DHRSX: variants seen among roughly 807,000 people sequenced by gnomAD.
DHRSX encodes dehydrogenase/reductase X-linked, also known as polyprenol dehydrogenase.
In DHRSX, 31 loss-of-function variants were observed where a neutral mutation model predicts 34.0. The observed-to-expected ratio is 0.91, with a 90% CI of 0.69 to 1.23. The LOEUF (loss-of-function observed/expected upper bound fraction) is 1.23. Among genes scored for constraint, DHRSX ranks in the 50% most tolerant of loss-of-function variants. The pLI is 0.00. For missense variants in DHRSX, 414 were observed against 428.1 expected, an observed-to-expected ratio of 0.97 and a Z score of 0.29; for synonymous variants, 201 against 183.8, an observed-to-expected ratio of 1.09 and a Z score of -0.76.
intron 3 of DHRSX, among the ~76,000 whole-genome samples, chrX:2,357,295 GT>G (rs1275610882): frequency 1.3e-5 from 2 of 151,962 alleles, no homozygotes; most frequent in Admixed American, 1.3e-4. Context: ...TGAGGGGTTG[GT>G]GTCCCTAACC....
At chrX:2,255,857 T>A (rs1388932206) in intron 5 of DHRSX, among the ~76,000 whole-genome samples, 1 of 151,922 alleles carries the variant, frequency 6.6e-6, no homozygotes, top group Non-Finnish European at 1.5e-5. Context: ...GAGGTTGTAG[T>A]GAGCTGAGAT....
At chrX:2,448,678 C>T (rs765778143) in intron 1 of DHRSX, among the ~76,000 whole-genome samples, 19 of 152,216 alleles carry the variant, frequency 1.2e-4, no homozygotes, top group East Asian at 9.7e-4. Flanking sequence ...ACATCACGTA[C>T]CTCATATATA....
At chrX:2,348,542 C>G (rs34220838) in intron 3 of DHRSX, among the ~76,000 whole-genome samples, 12,456 of 151,980 alleles carry the variant, frequency 0.082, 568 homozygotes, top group Middle Eastern at 0.13. Flanking sequence ...GACCTCCCAG[C>G]AATAAGAAAG....
At chrX:2,404,279 C>A (rs2043525494) in intron 3 of DHRSX, among the ~76,000 whole-genome samples, 1 of 151,996 alleles carries the variant, frequency 6.6e-6, no homozygotes, top group Admixed American at 6.6e-5. Context: ...CCCGGAAATG[C>A]TGATGTGACA....
intron 3 of DHRSX, among the ~76,000 whole-genome samples, chrX:2,383,098 C>T (rs868327392): frequency 1.3e-5 from 2 of 151,140 alleles, no homozygotes; most frequent in African/African-American, 4.9e-5. Flanking sequence ...ACCACCATCA[C>T]CATCATCATT....
chrX:2,321,750 C>G (rs901150675), intron 3 of DHRSX, among the ~76,000 whole-genome samples: 2 of 151,992 alleles, frequency 1.3e-5, no homozygotes, highest in African/African-American at 4.8e-5. Context: ...CCTTAAACAA[C>G]ACAGGTTTGA....
intron 3 of DHRSX, among the ~76,000 whole-genome samples, chrX:2,304,686 C>A (rs2042079431): frequency 1.3e-5 from 2 of 152,076 alleles, no homozygotes; most frequent in African/African-American, 2.4e-5. Context: ...TATGATTATG[C>A]ATTTCCTCAT....
At chrX:2,324,057 GA>G (rs755736026) in intron 3 of DHRSX, among the ~76,000 whole-genome samples, 7,435 of 142,906 alleles carry the variant, frequency 0.052, 286 homozygotes, top group African/African-American at 0.11. Context: ...ACCCTGTCTG[GA>G]AAAAAAAAAA....
Position 2,221,241 on chromosome X carries a change from A to G in DHRSX, c.805-12T>C, listed in dbSNP as rs1569475483. 1.2e-5 allele frequency: 20 copies of G among 1,611,188 alleles called. No individual in the cohort carries two copies. The highest frequency in any genetic ancestry group is 1.7e-5 in the Non-Finnish European group (20 of 1,178,604). ...CCTTCATCGGGGGTCTGGTGGAAGA[A>G]GAAAAGAAGGCTACGATGAGTCAAA... On this transcript the variant is annotated splice_polypyrimidine_tract_variant and intron_variant, in intron 6 of 6. Coordinates refer to ENST00000334651, the MANE Select transcript of DHRSX (RefSeq NM_145177.3).
chrX:2,371,348 ATAGTCCCTCCTCCCATTAC>A, intron 3 of DHRSX, among the ~76,000 whole-genome samples: 1 of 135,156 alleles, frequency 7.4e-6, no homozygotes, highest in African/African-American at 3.2e-5. Flanking sequence ...TTCCGTTACC[ATAGTCCCTCCTCCCATTAC>A]TATAGACCCT....
At chrX:2,270,837 A>G (rs751508971) in intron 4 of DHRSX, among the ~76,000 whole-genome samples, 1 of 152,182 alleles carries the variant, frequency 6.6e-6, no homozygotes, top group African/African-American at 2.4e-5. Flanking sequence ...TGGACCATTC[A>G]GCAGTCTGTA....
chrX:2,393,391 A>G (rs2043358670), intron 3 of DHRSX, among the ~76,000 whole-genome samples: 1 of 151,966 alleles, frequency 6.6e-6, no homozygotes, highest in Non-Finnish European at 1.5e-5. Flanking sequence ...CACAAGACAC[A>G]GCGACCTCCC....
chrX:2,222,565 C>T lies in DHRSX; in HGVS notation c.805-1336G>A, dbSNP rs148415171. The stretch of plus-strand genomic sequence containing the variant: ...TCTTCTGGGAGTGATGATCCATTTG[C>T]CCGAACTGATTTCACCTCTCACCAG... On this transcript the variant is annotated intron_variant, in intron 6 of 6. Transcript: ENST00000334651. Among the ~76,000 whole-genome samples the T allele has an allele frequency of 7.8e-3, 1,191 of 152,280 alleles. 7 individuals are homozygous for T. The highest frequency in any genetic ancestry group is 0.014 in the Middle Eastern group (4 of 294).
chrX:2,240,719 T>C (rs966721187), intron 6 of DHRSX, among the ~76,000 whole-genome samples: 5 of 152,090 alleles, frequency 3.3e-5, no homozygotes, highest in Non-Finnish European at 7.3e-5. Context: ...AAGCAGACAC[T>C]TTTAAAAATG....
rs34876710 is a variant in DHRSX at position 2,398,670 on chromosome X, C to CTT, written c.286+10073_286+10074dup. Reference sequence around the variant, plus strand: ...GCAAAGAAACGTTAAATGCATATTCCTTTTTTTTTTTTTTTTTGAGATGGA... The same window carrying CTT: ...GCAAAGAAACGTTAAATGCATATTCCTTTTTTTTTTTTTTTTTTTGAGATGGA... On this transcript the variant is annotated intron_variant, in intron 3 of 6. Transcript: ENST00000334651. Among the ~76,000 whole-genome samples the CTT allele has an allele frequency of 9.1e-3, 1,182 of 129,958 alleles. 26 individuals are homozygous for CTT. The highest frequency in any genetic ancestry group is 0.056 in the Middle Eastern group (14 of 250). The allele number at this position is 129,958 out of a possible 152,430, so 85.3% of individuals were successfully genotyped here.
At chrX:2,480,823 AT>A (rs945872028) in intron 1 of DHRSX, among the ~76,000 whole-genome samples, 8 of 152,080 alleles carry the variant, frequency 5.3e-5, no homozygotes, top group South Asian at 2.1e-4. Context: ...CTCAAAAAAA[AT>A]AAATTACATT....
chrX:2,362,775 G>A (rs1453320822), intron 3 of DHRSX, among the ~76,000 whole-genome samples: 8 of 149,922 alleles, frequency 5.3e-5, no homozygotes, highest in African/African-American at 9.9e-5. Flanking sequence ...TTTTATCACC[G>A]TTCTATGGTA....
intron 3 of DHRSX, among the ~76,000 whole-genome samples, chrX:2,315,916 C>A (rs1178694877): frequency 6.6e-6 from 1 of 152,116 alleles, no homozygotes; most frequent in Non-Finnish European, 1.5e-5. Context: ...GGCTGGAGTG[C>A]AGTTTCGCGA....
chrX:2,249,231 C>T (rs1192051674), intron 5 of DHRSX, among the ~76,000 whole-genome samples: 4 of 126,528 alleles, frequency 3.2e-5, no homozygotes, highest in African/African-American at 3.1e-5. Flanking sequence ...CTTGTTCTGT[C>T]GCCCAGGCTA....
Sources: allele counts gnomAD v4.1 joint callset (sites outside exome capture counted in the v4.1 genomes callset), GRCh38; gene constraint gnomAD v4.1.1; transcripts MANE v1.5; gene names NCBI Gene and HGNC (gene_info 2026-07-23, HGNC 2026-07-21).